The following RGS6 variants were observed in gnomAD, a reference collection of about 807,000 sequenced individuals.
The protein encoded by RGS6 is regulator of G-protein signaling 6.
In RGS6, 30 loss-of-function variants were observed where a neutral mutation model predicts 78.5. That is an observed-to-expected ratio of 0.38 (90% CI 0.29 to 0.52). The LOEUF is 0.52. Among genes scored for constraint, RGS6 ranks in the 20% least tolerant of loss-of-function variants. The probability of loss-of-function intolerance (pLI) is 0.85; values close to 1 mark genes in which losing one functional copy is unlikely to be tolerated. For synonymous variants in RGS6, 206 were observed against 206.0 expected, an observed-to-expected ratio of 1.00 and a Z score of 0.00; for missense variants, 495 against 609.7, an observed-to-expected ratio of 0.81 and a Z score of 1.98.
At chr14:72,001,895 CTTTT>C (rs59274317) in intron 2 of RGS6, among the ~76,000 whole-genome samples, 1,164 of 92,482 alleles carry the variant, frequency 0.013, 14 homozygotes, top group African/African-American at 0.035. Flanking sequence ...ATCCATTAAT[CTTTT>C]TTTTTTTTTT....
chr14:71,971,395 T>A (rs1430286741), intron 2 of RGS6, among the ~76,000 whole-genome samples: 1 of 152,190 alleles, frequency 6.6e-6, no homozygotes, highest in Non-Finnish European at 1.5e-5. Context: ...TACTGAAGTT[T>A]GTTGATTCTC....
intron 2 of RGS6, among the ~76,000 whole-genome samples, chr14:72,102,351 A>G (rs901571874): frequency 6.6e-6 from 1 of 152,234 alleles, no homozygotes; most frequent in African/African-American, 2.4e-5. Flanking sequence ...AGAAAATATG[A>G]ATAAAGAAAT....
chr14:72,546,135 G>T (rs368445375), intron 17 of RGS6, among the ~76,000 whole-genome samples: 1 of 152,188 alleles, frequency 6.6e-6, no homozygotes, highest in African/African-American at 2.4e-5. Flanking sequence ...CTCTTTTAGC[G>T]ATGGGAAATA....
At chr14:72,376,489 C>T (rs1321197302) in intron 3 of RGS6, among the ~76,000 whole-genome samples, 1 of 152,074 alleles carries the variant, frequency 6.6e-6, no homozygotes, top group African/African-American at 2.4e-5. Context: ...ATCCAGGAAG[C>T]TCAAAGAACC....
At chr14:72,337,082 C>T (rs566282820) in intron 2 of RGS6, among the ~76,000 whole-genome samples, 8 of 152,050 alleles carry the variant, frequency 5.3e-5, no homozygotes, top group Non-Finnish European at 1.2e-4. Flanking sequence ...ACAATTCAGT[C>T]CATAACAAGG....
chr14:72,503,850 C>T (rs1047401817), intron 13 of RGS6, among the ~76,000 whole-genome samples: 8 of 152,170 alleles, frequency 5.3e-5, no homozygotes, highest in African/African-American at 1.7e-4. Flanking sequence ...TGGGATGGCC[C>T]TACAGCAGCT....
chr14:72,111,313 G>A (rs1276712572), intron 2 of RGS6, among the ~76,000 whole-genome samples: 1 of 152,136 alleles, frequency 6.6e-6, no homozygotes, highest in African/African-American at 2.4e-5. Flanking sequence ...AGGAATGGAT[G>A]GATATTCTTG....
chr14:72,599,575 A>ATTT, the RGS6 span, among the ~76,000 whole-genome samples: 1 of 103,232 alleles, frequency 9.7e-6, no homozygotes, highest in Admixed American at 1.1e-4. Context: ...CGCCTGGCTA[A>ATTT]TTTTTTTTTT....
intron 2 of RGS6, among the ~76,000 whole-genome samples, chr14:72,244,225 C>G (rs2053632055): frequency 2.0e-5 from 3 of 151,502 alleles, no homozygotes; most frequent in African/African-American, 7.3e-5. Context: ...GAAGTCCCAG[C>G]CCCTGCCCCA....
At chr14:72,051,908 C>G (rs2093271148) in intron 2 of RGS6, among the ~76,000 whole-genome samples, 1 of 152,056 alleles carries the variant, frequency 6.6e-6, no homozygotes, top group Non-Finnish European at 1.5e-5. Flanking sequence ...TTCCTGCAAC[C>G]CTAATCTCCT....
At chr14:72,235,288 T>G (rs1420868116) in intron 2 of RGS6, among the ~76,000 whole-genome samples, 1 of 152,104 alleles carries the variant, frequency 6.6e-6, no homozygotes, top group African/African-American at 2.4e-5. Flanking sequence ...TATGAGAAGA[T>G]CTGAGCCAAA....
chr14:71,979,656 C>T (rs1421977448), intron 2 of RGS6, among the ~76,000 whole-genome samples: 1 of 152,130 alleles, frequency 6.6e-6, no homozygotes, highest in Admixed American at 6.5e-5. Context: ...TGTTCTTTTA[C>T]ATTTGCTGAA....
chr14:72,193,313 C>T (rs113101808), intron 2 of RGS6, among the ~76,000 whole-genome samples: 2,644 of 152,206 alleles, frequency 0.017, 93 homozygotes, highest in African/African-American at 0.061. Context: ...TTACTTCTGC[C>T]TGAAACCCAC....
chr14:72,291,656 T>C (rs748639049), intron 2 of RGS6, among the ~76,000 whole-genome samples: 1 of 152,116 alleles, frequency 6.6e-6, no homozygotes, highest in Non-Finnish European at 1.5e-5. Flanking sequence ...AAGATATACC[T>C]AGAAAGATAG....
intron 2 of RGS6, among the ~76,000 whole-genome samples, chr14:72,021,908 T>C (rs919861940): frequency 1.3e-5 from 2 of 151,944 alleles, no homozygotes; most frequent in African/African-American, 4.8e-5. Flanking sequence ...AATAATTATT[T>C]TTTCTGCTCC....
intron 15 of RGS6, among the ~76,000 whole-genome samples, chr14:72,518,888 A>G (rs1037748649): frequency 1.3e-5 from 2 of 152,258 alleles, no homozygotes; most frequent in African/African-American, 4.8e-5. Flanking sequence ...TAGCAGGGCC[A>G]TGAGTCAAAC....
intron 6 of RGS6, among the ~76,000 whole-genome samples, chr14:72,460,727 C>T (rs1215698835): frequency 6.6e-6 from 1 of 152,136 alleles, no homozygotes; most frequent in African/African-American, 2.4e-5. Flanking sequence ...TCAATGAGAC[C>T]TGCAGCTTCT....
intron 2 of RGS6, among the ~76,000 whole-genome samples, chr14:72,202,382 C>A (rs2041766986): frequency 6.6e-6 from 1 of 152,082 alleles, no homozygotes; most frequent in Non-Finnish European, 1.5e-5. Context: ...AGAGAAGTTT[C>A]TCCTGCCCTC....
intron 2 of RGS6, among the ~76,000 whole-genome samples, chr14:72,138,453 T>TTTTTTGTTTTG (rs2096484325): frequency 6.7e-6 from 1 of 148,956 alleles, no homozygotes; most frequent in Admixed American, 6.7e-5. Context: ...GTACCTGTTT[T>TTTTTTGTTTTG]TTTTTTTTTT....
Sources: gnomAD v4.1 joint callset for allele counts (sites outside exome capture counted in the v4.1 genomes callset) on GRCh38, gnomAD v4.1.1 for gene constraint, MANE v1.5 for transcripts, NCBI Gene and HGNC (gene_info 2026-07-23, HGNC 2026-07-21) for gene names.